The following HSPG2 variants were observed in gnomAD, a reference collection of about 807,000 sequenced individuals.
HSPG2 encodes basement membrane-specific heparan sulfate proteoglycan core protein.
Under a neutral mutation model 526.6 loss-of-function variants are expected in HSPG2, and 278 were observed. The ratio of observed to expected loss-of-function variants is 0.53; its 90% CI spans 0.48 to 0.58. HSPG2 has a LOEUF of 0.58. Ranked by LOEUF, HSPG2 falls within the 20% of genes least tolerant of loss-of-function variation. HSPG2 has a pLI of 0.00. For missense variants in HSPG2, 5,354 were observed against 6,099.5 expected (o/e 0.88, Z 4.07); for synonymous variants, 2,465 against 2,555.4 (o/e 0.96, Z 1.07).
At position 21,864,681 on chromosome 1, in the gene HSPG2, TA is replaced by T. The variant is rs1413707626; in HGVS notation, c.4626+161del. ...CTATTTTTTTACCTGTTAAAGGGGA[TA>T]ATGATATGTAACTCAGGGCTGTCGG... On this transcript the variant is annotated intron_variant, in intron 36 of 96. Coordinates refer to ENST00000374695, the MANE Select transcript of HSPG2 (RefSeq NM_005529.7). This position sits in a 1 kb window ranked among gnomAD's most constrained non-coding sequence, Gnocchi z 4.8. Among the ~76,000 whole-genome samples, 4 of 152,214 alleles carry T rather than the reference TA, an allele frequency of 2.6e-5. No homozygotes were observed. The highest frequency in any genetic ancestry group is 5.9e-5 in the Non-Finnish European group (4 of 68,044).
chr1:21,916,666 C>T (rs1643894577), intron 1 of HSPG2, among the ~76,000 whole-genome samples: 1 of 143,840 alleles, frequency 7.0e-6, no homozygotes, highest in Admixed American at 7.2e-5. Flanking sequence ...CACTCCAGCC[C>T]AGGCGACAGT....
rs1006322783 is a variant in HSPG2, at chr1:21,838,988, G to A, written c.9987C>T (p.Thr3329=). 2 of 1,611,510 alleles carry A rather than the reference G, an allele frequency of 1.2e-6. No individual in the cohort carries two copies. Among genetic ancestry groups the A allele is most frequent in the Non-Finnish European group, 1.7e-6 (2 of 1,178,108 alleles). Residue 3329 remains threonine (T), a synonymous_variant, in exon 74 of 97, where the codon ACC becomes ACT. Transcript: ENST00000374695. The part of the protein sequence containing the change: ...QCLAHGTPPL[T]FQWSRVGSSL... Reference sequence around the variant, plus strand: ...TGCTGCCCACGCGGCTCCACTGGAAGGTGAGTGGGGGTGTCCCGTGAGCCA... The same window carrying A: ...TGCTGCCCACGCGGCTCCACTGGAAAGTGAGTGGGGGTGTCCCGTGAGCCA...
At chr1:21,849,467 C>T (rs923211385) in intron 57 of HSPG2, among the ~76,000 whole-genome samples, 1 of 152,230 alleles carries the variant, frequency 6.6e-6, no homozygotes, top group Admixed American at 6.5e-5. Context: ...ACTCACACCA[C>T]ATCCCATCAA....
rs1326586032 is a variant in HSPG2, at chr1:21,885,456, G to C, written c.1079-5C>G. 1 of 1,613,930 alleles carries C rather than the reference G, an allele frequency of 6.2e-7. No homozygotes were observed. Among genetic ancestry groups the C allele is most frequent in the Non-Finnish European group, 8.5e-7 (1 of 1,179,970 alleles). On this transcript the variant is annotated splice_polypyrimidine_tract_variant and splice_region_variant and intron_variant, in intron 9 of 96. Transcript: ENST00000374695. ...CTTCCTCAGGACGCTTGGTGGCTGG[G>C]GACAAAGCCAGGTGGTTCCCAATAG...
At position 21,880,733 on chromosome 1, in the gene HSPG2, C is replaced by T. The variant is rs749415027; in HGVS notation, c.1921G>A (p.Gly641Arg). 5.6e-6 allele frequency: 9 copies of T among 1,601,240 alleles called. No homozygotes were observed. Among genetic ancestry groups the T allele is most frequent in the Non-Finnish European group, 6.8e-6 (8 of 1,174,478 alleles). The change falls in exon 15 of 97, where the codon GGG becomes AGG. Residue 641 changes from glycine to arginine, a missense_variant. Coordinates refer to ENST00000374695, the MANE Select transcript of HSPG2 (RefSeq NM_005529.7). ...QRPDVVLMGA[G>R]YRLLSRGHTP... Reference sequence around the variant, plus strand: ...TGGCCTCGGGAGAGGAGGCGGTACCCGGCACCCATGAGGACCACGTCCGGC... The same window carrying T: ...TGGCCTCGGGAGAGGAGGCGGTACCTGGCACCCATGAGGACCACGTCCGGC...
In HSPG2 at chr1:21,834,721, C is replaced by T. The variant is rs749882511; in HGVS notation, c.10678G>A (p.Ala3560Thr). ...AGQYRCTATN[A>T]AGTTQSHVLL... ...ACGTGGGATTGTGTGGTGCCAGCTGCGTTGGTGGCAGTGCAGCGATACTGT... is the reference window on the plus strand; with the variant it reads ...ACGTGGGATTGTGTGGTGCCAGCTGTGTTGGTGGCAGTGCAGCGATACTGT... Residue 3560 changes from alanine to threonine, a missense_variant, in exon 77 of 97, where the codon GCA (alanine) becomes ACA (threonine). By Grantham distance (58) the Ala-to-Thr change is moderately conservative (BLOSUM62 0). Transcript: ENST00000374695. 211 of 1,614,086 alleles carry T rather than the reference C, an allele frequency of 1.3e-4. No homozygotes were observed. The highest frequency in any genetic ancestry group is 1.6e-4 in the Non-Finnish European group (185 of 1,180,056).
At chr1:21,919,263 T>C (rs4233277) in intron 1 of HSPG2, among the ~76,000 whole-genome samples, 74,397 of 151,662 alleles carry the variant, frequency 0.49, 20,158 homozygotes, top group Middle Eastern at 0.65. Flanking sequence ...CCGTCTCTAC[T>C]AAAAATACAA....
intron 1 of HSPG2, among the ~76,000 whole-genome samples, chr1:21,933,219 CAAAA>C (rs60550984): frequency 1.1e-5 from 1 of 94,268 alleles, no homozygotes. Flanking sequence ...GACCCTGTCT[CAAAA>C]AAAAAAAAAA....
chr1:21,825,441 A>G (rs1441633812), intron 91 of HSPG2, among the ~76,000 whole-genome samples: 1 of 152,140 alleles, frequency 6.6e-6, no homozygotes, highest in Non-Finnish European at 1.5e-5. Context: ...GTGGCAATAA[A>G]TGGTTCAGAG....
Position 21,859,810 on chromosome 1 carries a change from C to T in HSPG2, c.5182+25G>A, listed in dbSNP as rs1639652664. 1 of 1,609,240 alleles carries T rather than the reference C, an allele frequency of 6.2e-7. No homozygotes were observed. The highest frequency in any genetic ancestry group is 1.7e-5 in the Admixed American group (1 of 59,284). ...CCTCCCACTGGGATGGCTCTTGGGG[C>T]TGAGGAGCCTAGGGCCATGGGTACC... On this transcript the variant is annotated intron_variant, in intron 41 of 96. Transcript: ENST00000374695. The surrounding 1 kb of genome is among the most constrained non-coding windows in gnomAD (Gnocchi z 5.3).
chr1:21,839,900 C>T lies in HSPG2; in HGVS notation c.9631G>A (p.Ala3211Thr), dbSNP rs1332738587. Residue 3211 changes from alanine (A) to threonine (T), a missense_variant, in exon 72 of 97, where the codon GCC becomes ACC. Physicochemically the swap from Ala to Thr is moderately conservative, Grantham distance 58 (BLOSUM62 0). Transcript: ENST00000374695. The surrounding 1 kb of genome is among the most constrained non-coding windows in gnomAD (Gnocchi z 4.5). ...IVDTGAMAPG[A>T]PQVQAEEAEL... ...GCTTCTTCAGCTTGGACCTGAGGGGCCCCTGGGGCCATGGCGCCCGTGTCC... is the reference window on the plus strand; with the variant it reads ...GCTTCTTCAGCTTGGACCTGAGGGGTCCCTGGGGCCATGGCGCCCGTGTCC... The T allele has an allele frequency of 1.4e-5, 22 of 1,613,994 alleles. No individual in the cohort carries two copies. Among genetic ancestry groups the T allele is most frequent in the Non-Finnish European group, 1.7e-5 (20 of 1,180,020 alleles).
chr1:21,877,601 G>A, intron 21 of HSPG2: 1 of 153,300 alleles, frequency 6.5e-6, no homozygotes. Flanking sequence ...AGGTTCAAGT[G>A]ATTCTCCTGC....
chr1:21,913,980 T>A (rs536975347), intron 1 of HSPG2, among the ~76,000 whole-genome samples: 31 of 152,290 alleles, frequency 2.0e-4, no homozygotes, highest in Admixed American at 1.2e-3. Flanking sequence ...GACAGGAACC[T>A]GTGAAATTTG....
intron 29 of HSPG2, 95 bp from the exon 30 acceptor site, chr1:21,873,519 T>A: frequency 8.4e-7 from 1 of 1,186,458 alleles, no homozygotes; most frequent in African/African-American, 1.5e-5. Context: ...AATGGCCTCA[T>A]GCACTGGAAG....
At chr1:21,874,800 C>T (rs1640917777) in intron 26 of HSPG2, 71 bp from the exon 27 acceptor site, 2 of 1,514,786 alleles carry the variant, frequency 1.3e-6, no homozygotes, top group African/African-American at 1.4e-5. Context: ...ACTGGATGGC[C>T]AGGGCTGGGG....
intron 91 of HSPG2, among the ~76,000 whole-genome samples, chr1:21,827,325 A>G (rs2097980595): frequency 6.6e-6 from 1 of 152,194 alleles, no homozygotes; most frequent in Non-Finnish European, 1.5e-5. Context: ...GACTCACCCA[A>G]AGTTCCACAG....
At chr1:21,927,060 G>A (rs565449488) in intron 1 of HSPG2, among the ~76,000 whole-genome samples, 12 of 152,270 alleles carry the variant, frequency 7.9e-5, no homozygotes, top group African/African-American at 2.6e-4. Flanking sequence ...GCAGGGACCC[G>A]GAGGTGGGCT....
chr1:21,925,846 G>A (rs1644174965), intron 1 of HSPG2, among the ~76,000 whole-genome samples: 1 of 152,050 alleles, frequency 6.6e-6, no homozygotes, highest in South Asian at 2.1e-4. Flanking sequence ...TGGATGAAGG[G>A]CCAGCCATTC....
rs766070205 is a variant in HSPG2 at position 21,848,006 on chromosome 1, G to A, written c.7825C>T (p.Arg2609Trp). ...ATGGTGACGATGAGCGAGGTCTCCC[G>A]GGAGCCTGCACCGTTACTGACGTGA... ...VCHVSNGAGS[R>W]ETSLIVTIQG... The change falls in exon 60 of 97, where the codon CGG becomes TGG. Residue 2609 changes from arginine to tryptophan, a missense_variant. Coordinates refer to ENST00000374695, the MANE Select transcript of HSPG2 (RefSeq NM_005529.7). The surrounding 1 kb of genome is among the most constrained non-coding windows in gnomAD (Gnocchi z 4.9). 9 of 1,613,652 alleles carry A rather than the reference G, an allele frequency of 5.6e-6. No homozygotes were observed. The highest frequency in any genetic ancestry group is 3.3e-5 in the South Asian group (3 of 91,076).
Sources: allele counts gnomAD v4.1 joint callset (sites outside exome capture counted in the v4.1 genomes callset), GRCh38; gene constraint gnomAD v4.1.1; non-coding constraint Gnocchi (gnomAD v3.1); transcripts MANE v1.5; gene names NCBI Gene and HGNC (gene_info 2026-07-23, HGNC 2026-07-21).